Variants in CDYL2 observed in about 807,000 individuals in gnomAD.
The protein encoded by CDYL2 is chromodomain Y-like protein 2.
CDYL2 carries 23 observed loss-of-function variants against 49.4 expected under a neutral mutation model. The ratio of observed to expected loss-of-function variants is 0.47; its 90% confidence interval spans 0.34 to 0.66. The LOEUF (loss-of-function observed/expected upper bound fraction) is 0.66. CDYL2 is among the 30% of genes least tolerant of loss of function. The pLI is 0.01. For synonymous variants in CDYL2, 360 were observed against 268.8 expected, an observed-to-expected ratio of 1.34 and a Z score of -3.32; for missense variants, 678 against 656.4, an observed-to-expected ratio of 1.03 and a Z score of -0.36.
chr16:80,710,756 CAT>C (rs1050755982), intron 1 of CDYL2, among the ~76,000 whole-genome samples: 14 of 152,050 alleles, frequency 9.2e-5, no homozygotes, highest in African/African-American at 2.7e-4. Flanking sequence ...CACACACACA[CAT>C]ACACACAGAG....
At chr16:80,772,815 TAAAAG>T in intron 1 of CDYL2, among the ~76,000 whole-genome samples, 1 of 151,490 alleles carries the variant, frequency 6.6e-6, no homozygotes, top group Non-Finnish European at 1.5e-5. Context: ...GAGTAACCAC[TAAAAG>T]AAAAGAAAAA....
chr16:80,720,810 A>T (rs1008597018), intron 1 of CDYL2, among the ~76,000 whole-genome samples: 1 of 152,160 alleles, frequency 6.6e-6, no homozygotes, highest in Admixed American at 6.5e-5. Context: ...TACCACTTGT[A>T]ATGTTGTTTC....
intron 1 of CDYL2, among the ~76,000 whole-genome samples, chr16:80,690,360 C>T (rs911359929): frequency 2.6e-5 from 4 of 152,134 alleles, no homozygotes; most frequent in Non-Finnish European, 5.9e-5. Flanking sequence ...CCCTCCTCCT[C>T]AGCCTTTCCA....
chr16:80,755,599 C>G (rs1292557510), intron 1 of CDYL2, among the ~76,000 whole-genome samples: 1 of 152,196 alleles, frequency 6.6e-6, no homozygotes, highest in Non-Finnish European at 1.5e-5. Context: ...CCCAAGCAAA[C>G]ATTTGAGATA....
chr16:80,608,703 G>A (rs1203285274), intron 5 of CDYL2, among the ~76,000 whole-genome samples: 1 of 152,136 alleles, frequency 6.6e-6, no homozygotes, highest in African/African-American at 2.4e-5. Context: ...CTCTGTGACT[G>A]CAGGCTAACA....
intron 1 of CDYL2, among the ~76,000 whole-genome samples, chr16:80,773,425 G>A (rs1273271546): frequency 6.6e-6 from 1 of 152,082 alleles, no homozygotes; most frequent in Non-Finnish European, 1.5e-5. Context: ...AGAACAATCA[G>A]ACCAAAAACG....
chr16:80,651,376 AG>A (rs1434179645), intron 2 of CDYL2, among the ~76,000 whole-genome samples: 1 of 152,248 alleles, frequency 6.6e-6, no homozygotes, highest in Non-Finnish European at 1.5e-5. Flanking sequence ...ACTATAAAAC[AG>A]TCTAGTAAAA....
intron 1 of CDYL2, among the ~76,000 whole-genome samples, chr16:80,703,445 G>T (rs1027007171): frequency 2.0e-5 from 3 of 152,122 alleles, no homozygotes; most frequent in African/African-American, 7.2e-5. Context: ...CCAGATTCAG[G>T]ATTGGACTAG....
At chr16:80,760,569 G>T (rs1171917206) in intron 1 of CDYL2, among the ~76,000 whole-genome samples, 1 of 152,088 alleles carries the variant, frequency 6.6e-6, no homozygotes, top group Non-Finnish European at 1.5e-5. Flanking sequence ...CACATTGCAT[G>T]CCTGCATCAA....
At chr16:80,610,083 G>GT (rs1438415769) in intron 5 of CDYL2, among the ~76,000 whole-genome samples, 8 of 152,234 alleles carry the variant, frequency 5.3e-5, no homozygotes, top group African/African-American at 1.9e-4. Flanking sequence ...TGCTATTTTT[G>GT]TATGGTTGGT....
At chr16:80,656,448 A>C (rs974065350) in intron 2 of CDYL2, among the ~76,000 whole-genome samples, 3 of 152,246 alleles carry the variant, frequency 2.0e-5, no homozygotes, top group African/African-American at 7.2e-5. Context: ...AGGGCTGGAC[A>C]ACTTGCTCGC....
chr16:80,696,430 C>T (rs1370541980), intron 1 of CDYL2, among the ~76,000 whole-genome samples: 4 of 151,854 alleles, frequency 2.6e-5, no homozygotes, highest in Admixed American at 2.0e-4. Flanking sequence ...GTCAACAATA[C>T]AGTTTTTTTT....
At position 80,700,697 on chromosome 16, in the gene CDYL2, T is replaced by C. The variant is rs570286826; in HGVS notation, c.25-15568A>G. ...AATAGCTATATATGTTCTTAGCATA[T>C]GTAAATGGATATACCCTTTAGGGAA... On this transcript the variant is annotated intron_variant, in intron 1 of 6. Transcript: ENST00000570137. Among the ~76,000 whole-genome samples, 5 of 152,376 alleles carry C rather than the reference T, an allele frequency of 3.3e-5. No individual in the cohort carries two copies. In the East Asian group the frequency reaches 7.7e-4, roughly 23 times the overall value.
At chr16:80,628,151 T>G (rs1907386571) in intron 3 of CDYL2, 1 of 152,256 alleles carries the variant, frequency 6.6e-6, no homozygotes, top group African/African-American at 2.4e-5. Flanking sequence ...CTTTAAATCC[T>G]TGTTGTGATT....
chr16:80,756,419 G>A (rs1320793038), intron 1 of CDYL2, among the ~76,000 whole-genome samples: 2 of 151,908 alleles, frequency 1.3e-5, no homozygotes, highest in South Asian at 4.1e-4. Flanking sequence ...AACAAAAAAT[G>A]GCAGTAATTC....
intron 1 of CDYL2, among the ~76,000 whole-genome samples, chr16:80,752,615 A>G (rs1389247397): frequency 6.6e-6 from 1 of 152,236 alleles, no homozygotes; most frequent in Non-Finnish European, 1.5e-5. Context: ...AAAATACAAC[A>G]AATGCCACTC....
intron 2 of CDYL2, among the ~76,000 whole-genome samples, chr16:80,678,163 A>C (rs979621720): frequency 6.6e-6 from 1 of 152,258 alleles, no homozygotes; most frequent in Non-Finnish European, 1.5e-5. Flanking sequence ...AAACCCTAGA[A>C]GAAAACCTAG....
At chr16:80,693,274 A>ATAT (rs1910490431) in intron 1 of CDYL2, among the ~76,000 whole-genome samples, 1 of 151,914 alleles carries the variant, frequency 6.6e-6, no homozygotes, top group Non-Finnish European at 1.5e-5. Context: ...TGTAATCATA[A>ATAT]ATAAGTTATA....
At chr16:80,733,123 C>T (rs1567588766) in intron 1 of CDYL2, among the ~76,000 whole-genome samples, 1 of 152,186 alleles carries the variant, frequency 6.6e-6, no homozygotes, top group Non-Finnish European at 1.5e-5. Flanking sequence ...CCCTGAACAG[C>T]TGATGTCTCT....
Sources: allele counts gnomAD v4.1 joint callset (sites outside exome capture counted in the v4.1 genomes callset), GRCh38; gene constraint gnomAD v4.1.1; transcripts MANE v1.5; gene names NCBI Gene and HGNC (gene_info 2026-07-23, HGNC 2026-07-21).